Variants in CSMD1 observed in about 807,000 individuals in gnomAD.
CSMD1 encodes the protein CUB and sushi domain-containing protein 1.
CSMD1 carries 213 observed loss-of-function variants against 417.5 expected under a neutral mutation model. The ratio of observed to expected loss-of-function variants is 0.51; its 90% CI spans 0.46 to 0.57. CSMD1 has a LOEUF of 0.57. Ranked by LOEUF, CSMD1 falls within the 20% of genes least tolerant of loss-of-function variation. The probability of loss-of-function intolerance (pLI) is 0.00; values close to 1 mark genes in which losing one functional copy is unlikely to be tolerated. For missense variants in CSMD1, 6,923 were observed against 4,529.7 expected (o/e 1.53, Z -15.17); for synonymous variants, 2,862 against 1,736.8 (o/e 1.65, Z -16.11).
At chr8:4,453,212 CAG>C (rs899312350) in intron 2 of CSMD1, among the ~76,000 whole-genome samples, 1 of 100,458 alleles carries the variant, frequency 1.0e-5, no homozygotes, top group Non-Finnish European at 2.2e-5. Context: ...CAGACACACA[CAG>C]AGACACACAC....
intron 10 of CSMD1, 75 bp downstream of exon 10, chr8:3,574,870 G>T: frequency 6.7e-7 from 1 of 1,496,338 alleles, no homozygotes; most frequent in Non-Finnish European, 9.1e-7. Context: ...GCATTTGCTG[G>T]GCTGTTTGCT....
chr8:3,555,656 C>T (rs1171170432), intron 10 of CSMD1, among the ~76,000 whole-genome samples: 1 of 152,146 alleles, frequency 6.6e-6, no homozygotes, highest in Non-Finnish European at 1.5e-5. Flanking sequence ...AGTACATGTA[C>T]ACTTGAATCT....
At chr8:3,851,928 C>T (rs1043324465) in intron 5 of CSMD1, among the ~76,000 whole-genome samples, 8 of 151,992 alleles carry the variant, frequency 5.3e-5, no homozygotes, top group Non-Finnish European at 1.0e-4. Flanking sequence ...GGGGCCTGAG[C>T]ATTGAAGAAT....
intron 3 of CSMD1, among the ~76,000 whole-genome samples, chr8:4,201,908 T>C (rs949031406): frequency 6.7e-6 from 1 of 149,818 alleles, no homozygotes; most frequent in African/African-American, 2.5e-5. Flanking sequence ...GGCGCTGCAT[T>C]CATTTGCCAT....
rs11414439 is a variant in CSMD1, at chr8:3,235,916, G to GTTTTT, written c.4154-5690_4154-5686dup. Among the ~76,000 whole-genome samples the GTTTTT allele has an allele frequency of 3.9e-3, 469 of 119,310 alleles. 23 individuals carry two copies. Among genetic ancestry groups the GTTTTT allele is most frequent in the African/African-American group, 0.013 (421 of 31,692 alleles). 78.3% of individuals were successfully genotyped at this position (119,310 alleles called of 152,430 possible). On this transcript the variant is annotated intron_variant, in intron 26 of 69. Coordinates refer to ENST00000635120, the MANE Select transcript of CSMD1 (RefSeq NM_033225.6). ...TTATGCCAGTTATATGAAGATGTAA[G>GTTTTT]TTTTTTTTTTTTTTTTTTTGAGACA...
rs565545308 is a variant in CSMD1, at chr8:4,914,859, C to G, written c.85+79473G>C. Among the ~76,000 whole-genome samples the G allele has an allele frequency of 1.6e-4, 24 of 152,274 alleles. No individual in the cohort carries two copies. In the South Asian group the frequency reaches 5.0e-3, roughly 32 times the overall value. On this transcript the variant is annotated intron_variant, in intron 1 of 69. Coordinates refer to ENST00000635120, the MANE Select transcript of CSMD1 (RefSeq NM_033225.6). ...GGGAGTTTCACCTACTGCTATTTCA[C>G]CTTCACCTCCTGAACTCACAAGAAA...
At chr8:4,453,246 G>A (rs913975542) in intron 2 of CSMD1, among the ~76,000 whole-genome samples, 5 of 134,690 alleles carry the variant, frequency 3.7e-5, no homozygotes, top group African/African-American at 5.5e-5. Flanking sequence ...CACACACACT[G>A]AACCTCCTAG....
chr8:4,089,903 G>C (rs1200741937), intron 3 of CSMD1, among the ~76,000 whole-genome samples: 2 of 152,138 alleles, frequency 1.3e-5, no homozygotes, highest in African/African-American at 2.4e-5. Flanking sequence ...TCAGGGACCT[G>C]ATTGGAATGA....
At chr8:4,777,608 TTTGA>T (rs1176913953) in intron 1 of CSMD1, among the ~76,000 whole-genome samples, 2 of 152,194 alleles carry the variant, frequency 1.3e-5, no homozygotes, top group African/African-American at 4.8e-5. Flanking sequence ...GTACATACCC[TTTGA>T]TTGTTTTTAG....
chr8:3,234,497 AAG>A (rs1373359243), intron 26 of CSMD1, among the ~76,000 whole-genome samples: 1 of 150,760 alleles, frequency 6.6e-6, no homozygotes, highest in Non-Finnish European at 1.5e-5. Flanking sequence ...GGAGATCTAG[AAG>A]AGAGTGCTTG....
chr8:3,970,609 A>G (rs1458248686), intron 5 of CSMD1, among the ~76,000 whole-genome samples: 1 of 152,216 alleles, frequency 6.6e-6, no homozygotes, highest in Admixed American at 6.5e-5. Context: ...CAAAGGATCT[A>G]GGGAAACTCA....
intron 4 of CSMD1, among the ~76,000 whole-genome samples, chr8:4,030,519 C>T (rs1464511159): frequency 1.3e-5 from 2 of 152,170 alleles, no homozygotes; most frequent in African/African-American, 4.8e-5. Flanking sequence ...GGCACCAAGT[C>T]TCTAGGCTGT....
At chr8:4,034,153 CAT>C (rs1328236996) in intron 3 of CSMD1, among the ~76,000 whole-genome samples, 3 of 152,110 alleles carry the variant, frequency 2.0e-5, no homozygotes, top group Admixed American at 2.0e-4. Flanking sequence ...AACTGAGTAA[CAT>C]AGAGAACATT....
chr8:4,835,998 G>A (rs923718176), intron 1 of CSMD1, among the ~76,000 whole-genome samples: 1 of 152,048 alleles, frequency 6.6e-6, no homozygotes, highest in Admixed American at 6.6e-5. Context: ...TATCCTACCA[G>A]ATTCTAACTA....
At chr8:4,607,567 T>C (rs1277329817) in intron 2 of CSMD1, among the ~76,000 whole-genome samples, 5 of 152,180 alleles carry the variant, frequency 3.3e-5, no homozygotes, top group Non-Finnish European at 5.9e-5. Flanking sequence ...AGGACCTCAT[T>C]AAATGCTCAT....
chr8:4,865,846 T>C (rs1279212588), intron 1 of CSMD1, among the ~76,000 whole-genome samples: 11 of 151,908 alleles, frequency 7.2e-5, no homozygotes, highest in Admixed American at 7.2e-4. Flanking sequence ...TTATGCATTT[T>C]GGGACCTATT....
chr8:3,803,610 C>A (rs551712060), intron 5 of CSMD1, among the ~76,000 whole-genome samples: 1 of 152,258 alleles, frequency 6.6e-6, no homozygotes, highest in Admixed American at 6.5e-5. Context: ...AGTGTGTCTG[C>A]AGTGGACTCA....
At chr8:3,467,949 C>T (rs950379301) in intron 12 of CSMD1, among the ~76,000 whole-genome samples, 1 of 152,200 alleles carries the variant, frequency 6.6e-6, no homozygotes, top group East Asian at 1.9e-4. Context: ...GTTCCAACAG[C>T]TCCAGATAAA....
intron 3 of CSMD1, among the ~76,000 whole-genome samples, chr8:4,352,198 A>C (rs755306465): frequency 3.9e-5 from 6 of 152,200 alleles, no homozygotes; most frequent in Non-Finnish European, 8.8e-5. Flanking sequence ...GGGATGAATA[A>C]GCAAGCCCCA....
Sources: allele counts gnomAD v4.1 joint callset (sites outside exome capture counted in the v4.1 genomes callset), GRCh38; gene constraint gnomAD v4.1.1; transcripts MANE v1.5; gene names NCBI Gene and HGNC (gene_info 2026-07-23, HGNC 2026-07-21).